TBC1D5: variants seen among roughly 807,000 people sequenced by gnomAD.
TBC1D5 encodes TBC1 domain family member 5, also known as TBC1 domain family, member 5.
Under a neutral mutation model 100.3 loss-of-function variants are expected in TBC1D5, and 75 were observed. That is an observed-to-expected ratio of 0.75 (90% CI 0.62 to 0.91). TBC1D5 has a LOEUF of 0.91. Among genes scored for constraint, TBC1D5 ranks in the 40% least tolerant of loss-of-function variants. The pLI, the probability that TBC1D5 is intolerant of heterozygous loss-of-function variation, is 0.00. For missense variants in TBC1D5, 910 were observed against 942.4 expected, an observed-to-expected ratio of 0.97 and a Z score of 0.45; for synonymous variants, 323 against 325.6, an observed-to-expected ratio of 0.99 and a Z score of 0.09.
At chr3:17,259,823 G>A (rs1400041921) in intron 15 of TBC1D5, among the ~76,000 whole-genome samples, 1 of 152,134 alleles carries the variant, frequency 6.6e-6, no homozygotes, top group Admixed American at 6.5e-5. Context: ...CTGCTGAAAG[G>A]AGAATATTTA....
At chr3:17,429,352 G>C (rs1442927558) in intron 3 of TBC1D5, among the ~76,000 whole-genome samples, 3 of 151,764 alleles carry the variant, frequency 2.0e-5, no homozygotes, top group Non-Finnish European at 4.4e-5. Context: ...ATACTTCAAA[G>C]TACAGCTTTT....
At chr3:17,209,731 T>C (rs1413393254) in intron 18 of TBC1D5, among the ~76,000 whole-genome samples, 1 of 152,248 alleles carries the variant, frequency 6.6e-6, no homozygotes, top group Admixed American at 6.5e-5. Context: ...GTGTTACCAA[T>C]TGTCCTTTTT....
At chr3:17,653,307 T>C (rs1434068410) in intron 1 of TBC1D5, among the ~76,000 whole-genome samples, 1 of 152,104 alleles carries the variant, frequency 6.6e-6, no homozygotes, top group East Asian at 1.9e-4. Context: ...AATTTTATGT[T>C]ACCTTAAAAA....
chr3:17,740,786 G>A (rs2077363323), exon 1 of TBC1D5: 1 of 152,306 alleles, frequency 6.6e-6, no homozygotes, highest in Non-Finnish European at 1.5e-5. Flanking sequence ...TGTACACTCA[G>A]AGACCAGGAT....
At chr3:17,564,842 C>T (rs1396350983) in intron 2 of TBC1D5, among the ~76,000 whole-genome samples, 1 of 151,848 alleles carries the variant, frequency 6.6e-6, no homozygotes, top group East Asian at 1.9e-4. Flanking sequence ...AATTTTGAAC[C>T]TGTCACAATG....
intron 2 of TBC1D5, among the ~76,000 whole-genome samples, chr3:17,585,890 G>C (rs1437192355): frequency 6.6e-6 from 1 of 152,106 alleles, no homozygotes; most frequent in Non-Finnish European, 1.5e-5. Flanking sequence ...AAAAAATTGT[G>C]AATGTTATCT....
rs1003508190 is a variant in TBC1D5 at position 17,477,960 on chromosome 3, T to C, written c.97+30514A>G. On this transcript the variant is annotated intron_variant, in intron 3 of 21. Coordinates refer to ENST00000253692, the Ensembl canonical transcript of TBC1D5. ...TGTCTTTTTAACCAGTTCATAATTC[T>C]GAATGGATTTTAGAAAGATATTTTA... Among the ~76,000 whole-genome samples the C allele has an allele frequency of 1.6e-4, 24 of 152,136 alleles. 1 individual carries two copies. Among genetic ancestry groups the C allele is most frequent in the African/African-American group, 5.5e-4 (23 of 41,468 alleles).
chr3:17,409,188 GAC>G (rs2093854874), intron 4 of TBC1D5, among the ~76,000 whole-genome samples: 1 of 152,128 alleles, frequency 6.6e-6, no homozygotes, highest in African/African-American at 2.4e-5. Flanking sequence ...CTCACTTCAT[GAC>G]TCTTGTGACA....
chr3:17,696,567 T>A (rs2072125508), intron 1 of TBC1D5, among the ~76,000 whole-genome samples: 2 of 152,036 alleles, frequency 1.3e-5, no homozygotes, highest in Admixed American at 1.3e-4. Context: ...AAGTTGAATC[T>A]CTGAATAGAA....
chr3:17,253,801 T>C (rs368180561), intron 16 of TBC1D5, among the ~76,000 whole-genome samples: 2 of 152,248 alleles, frequency 1.3e-5, no homozygotes, highest in African/African-American at 4.8e-5. Flanking sequence ...TGTATGTTAT[T>C]GCATATATCA....
At chr3:17,596,447 T>A (rs577475151) in intron 2 of TBC1D5, among the ~76,000 whole-genome samples, 39 of 151,044 alleles carry the variant, frequency 2.6e-4, no homozygotes, top group African/African-American at 9.2e-4. Context: ...GTCTCCCAAG[T>A]AGCTGGGATT....
chr3:17,411,723 A>G (rs985471170), intron 4 of TBC1D5, among the ~76,000 whole-genome samples: 1 of 152,184 alleles, frequency 6.6e-6, no homozygotes, highest in Non-Finnish European at 1.5e-5. Context: ...CAAGTTACAT[A>G]CTACTTATGT....
chr3:17,178,129 G>A (rs542491643), intron 19 of TBC1D5, among the ~76,000 whole-genome samples: 171 of 149,466 alleles, frequency 1.1e-3, no homozygotes, highest in Middle Eastern at 3.4e-3. Context: ...GCAGTGGCGC[G>A]ATCTCGGCTC....
intron 2 of TBC1D5, among the ~76,000 whole-genome samples, chr3:17,585,357 C>T (rs1438639363): frequency 6.6e-6 from 1 of 152,120 alleles, no homozygotes; most frequent in Non-Finnish European, 1.5e-5. Context: ...ACAATTTAGA[C>T]AGACAAAACA....
intron 3 of TBC1D5, among the ~76,000 whole-genome samples, chr3:17,494,855 C>G (rs1420154871): frequency 6.6e-6 from 1 of 152,180 alleles, no homozygotes; most frequent in African/African-American, 2.4e-5. Flanking sequence ...AAGCAGCCAC[C>G]AAGAGTCTGC....
At chr3:17,251,430 C>T (rs930289134) in intron 16 of TBC1D5, among the ~76,000 whole-genome samples, 5 of 141,304 alleles carry the variant, frequency 3.5e-5, no homozygotes, top group African/African-American at 1.3e-4. Context: ...CGGGAACCCC[C>T]CCCCCCCCAG....
At chr3:17,539,760 AT>A (rs2096329785) in intron 2 of TBC1D5, among the ~76,000 whole-genome samples, 1 of 152,144 alleles carries the variant, frequency 6.6e-6, no homozygotes, top group Non-Finnish European at 1.5e-5. Context: ...TTAGTTTACA[AT>A]TCCATATTTC....
chr3:17,477,167 C>A (rs2095447467), intron 3 of TBC1D5, among the ~76,000 whole-genome samples: 1 of 151,830 alleles, frequency 6.6e-6, no homozygotes, highest in African/African-American at 2.4e-5. Context: ...ATGACTTTTC[C>A]ACTTTGCTAA....
At chr3:17,665,774 CA>C (rs2067191322) in intron 1 of TBC1D5, among the ~76,000 whole-genome samples, 1 of 152,140 alleles carries the variant, frequency 6.6e-6, no homozygotes, top group Non-Finnish European at 1.5e-5. Context: ...CTAAACAATC[CA>C]AATCTTTTTG....
Sources: allele counts gnomAD v4.1 joint callset (sites outside exome capture counted in the v4.1 genomes callset), GRCh38; gene constraint gnomAD v4.1.1; transcripts MANE v1.5; gene names NCBI Gene and HGNC (gene_info 2026-07-23, HGNC 2026-07-21).